The following ARB2A variants were observed in gnomAD, a reference collection of about 807,000 sequenced individuals.
ARB2A encodes ARB2 cotranscriptional regulator A.
At chr5:93,810,676 G>A in the ARB2A span, among the ~76,000 whole-genome samples, 1 of 151,998 alleles carries the variant, frequency 6.6e-6, no homozygotes, top group African/African-American at 2.4e-5. Flanking sequence ...CCAAAGAGCT[G>A]GGATTAAAGG....
chr5:94,008,182 C>T, the ARB2A span, among the ~76,000 whole-genome samples: 2 of 152,032 alleles, frequency 1.3e-5, no homozygotes, highest in Non-Finnish European at 2.9e-5. Flanking sequence ...GCTGTAATTG[C>T]TATAAAGAAC....
At chr5:93,955,982 C>G in the ARB2A span, among the ~76,000 whole-genome samples, 2 of 152,198 alleles carry the variant, frequency 1.3e-5, no homozygotes, top group Admixed American at 6.5e-5. Flanking sequence ...AACTCTAAAG[C>G]TGCACAATCA....
chr5:93,961,735 A>G, the ARB2A span, among the ~76,000 whole-genome samples: 3 of 152,190 alleles, frequency 2.0e-5, no homozygotes, highest in Non-Finnish European at 2.9e-5. Flanking sequence ...AAACACTGCT[A>G]AATAATTTTT....
chr5:93,884,382 A>T, the ARB2A span, among the ~76,000 whole-genome samples: 2 of 151,674 alleles, frequency 1.3e-5, no homozygotes, highest in Non-Finnish European at 3.0e-5. Flanking sequence ...TAAGTATTTT[A>T]AAAAAGGCAT....
chr5:94,044,123 C>T, the ARB2A span, among the ~76,000 whole-genome samples: 29 of 152,260 alleles, frequency 1.9e-4, no homozygotes, highest in African/African-American at 7.0e-4. Flanking sequence ...GGTTGGGTAA[C>T]GTAAAAATCT....
chr5:93,953,472 G>C, the ARB2A span, among the ~76,000 whole-genome samples: 1 of 148,538 alleles, frequency 6.7e-6, no homozygotes, highest in Non-Finnish European at 1.5e-5. Context: ...TGGATTGCCA[G>C]GCAGAAACTC....
chr5:93,695,930 C>A, the ARB2A span, among the ~76,000 whole-genome samples: 1 of 151,954 alleles, frequency 6.6e-6, no homozygotes, highest in Non-Finnish European at 1.5e-5. Flanking sequence ...GAAACTAACA[C>A]AAGAACAGAA....
the ARB2A span, chr5:94,050,904 ATGTC>A: frequency 1.9e-6 from 2 of 1,051,166 alleles, no homozygotes; most frequent in African/African-American, 1.6e-5. Flanking sequence ...ACAACAAAGA[ATGTC>A]TGATAAAAAT....
chr5:93,921,121 A>G, the ARB2A span, among the ~76,000 whole-genome samples: 5 of 148,020 alleles, frequency 3.4e-5, no homozygotes, highest in African/African-American at 1.3e-4. Context: ...GTTGCCCGCC[A>G]TTTCAAGATA....
the ARB2A span, chr5:93,866,271 T>A: frequency 9.1e-6 from 9 of 983,634 alleles, no homozygotes; most frequent in Non-Finnish European, 1.1e-5. Flanking sequence ...GTACCGTTAA[T>A]GTCACAATTC....
At chr5:93,751,571 C>T in the ARB2A span, among the ~76,000 whole-genome samples, 1 of 152,068 alleles carries the variant, frequency 6.6e-6, no homozygotes, top group African/African-American at 2.4e-5. Context: ...AAAAAAATTA[C>T]ACTCCTGCTT....
the ARB2A span, among the ~76,000 whole-genome samples, chr5:93,623,500 T>C: frequency 6.6e-6 from 1 of 152,224 alleles, no homozygotes; most frequent in Non-Finnish European, 1.5e-5. Context: ...AACTCCTTTA[T>C]TTCTTCTTTA....
the ARB2A span, among the ~76,000 whole-genome samples, chr5:93,966,961 C>T: frequency 6.6e-6 from 1 of 151,742 alleles, no homozygotes; most frequent in Non-Finnish European, 1.5e-5. Flanking sequence ...TACATGAATT[C>T]TCCTCTCTGT....
At chr5:93,948,225 T>A in the ARB2A span, among the ~76,000 whole-genome samples, 4 of 152,228 alleles carry the variant, frequency 2.6e-5, no homozygotes, top group Non-Finnish European at 5.9e-5. Flanking sequence ...TGAGATGGTA[T>A]CTCATTGTGG....
At chr5:93,944,430 G>C in the ARB2A span, among the ~76,000 whole-genome samples, 1 of 151,690 alleles carries the variant, frequency 6.6e-6, no homozygotes, top group Non-Finnish European at 1.5e-5. Flanking sequence ...ACCCCATCTC[G>C]CCAAAAAAAT....
At chr5:93,617,952 G>A in the ARB2A span, 2 of 152,118 alleles carry the variant, frequency 1.3e-5, no homozygotes, top group African/African-American at 4.8e-5. Flanking sequence ...TAGCCAGAAG[G>A]TTTAAAATAT....
the ARB2A span, among the ~76,000 whole-genome samples, chr5:93,913,278 A>T: frequency 6.6e-6 from 1 of 151,904 alleles, no homozygotes; most frequent in Non-Finnish European, 1.5e-5. Context: ...CGGCCAGGAG[A>T]AAAGTCAGTT....
chr5:94,060,476 C>T, the ARB2A span, among the ~76,000 whole-genome samples: 3 of 152,010 alleles, frequency 2.0e-5, no homozygotes, highest in African/African-American at 7.2e-5. Flanking sequence ...ATAAAATAAA[C>T]AATACGAATA....
the ARB2A span, among the ~76,000 whole-genome samples, chr5:93,914,674 T>G: frequency 6.6e-6 from 1 of 151,870 alleles, no homozygotes; most frequent in Non-Finnish European, 1.5e-5. Flanking sequence ...CTAAATTAAT[T>G]TATATCCCAA....
Sources: allele counts gnomAD v4.1 joint callset (sites outside exome capture counted in the v4.1 genomes callset), GRCh38; gene constraint gnomAD v4.1.1; transcripts MANE v1.5; gene names NCBI Gene and HGNC (gene_info 2026-07-23, HGNC 2026-07-21).